IQGAP1: variants seen among roughly 807,000 people sequenced by gnomAD.
IQGAP1 encodes ras GTPase-activating-like protein IQGAP1.
In IQGAP1, 66 loss-of-function variants were observed where a neutral mutation model predicts 215.6. The observed-to-expected ratio is 0.31, with a 90% CI of 0.25 to 0.38. The LOEUF (loss-of-function observed/expected upper bound fraction) is 0.38. IQGAP1 is among the 10% of genes least tolerant of loss of function. The pLI is 1.00. For missense variants in IQGAP1, 1,712 were observed against 1,997.1 expected (o/e 0.86, Z 2.72); for synonymous variants, 772 against 728.7 (o/e 1.06, Z -0.96).
intron 11 of IQGAP1, among the ~76,000 whole-genome samples, chr15:90,452,099 A>T (rs1965611899): frequency 6.6e-6 from 1 of 152,148 alleles, no homozygotes; most frequent in African/African-American, 2.4e-5. Context: ...AAGTGCTGGG[A>T]TTACAAGCGT....
intron 2 of IQGAP1, among the ~76,000 whole-genome samples, chr15:90,392,949 T>G (rs1268222382): frequency 6.6e-6 from 1 of 151,966 alleles, no homozygotes; most frequent in Non-Finnish European, 1.5e-5. Context: ...TTCACCATAA[T>G]GGCCAGGCTG....
At chr15:90,496,413 C>T (rs1966275671) in intron 36 of IQGAP1, among the ~76,000 whole-genome samples, 1 of 149,784 alleles carries the variant, frequency 6.7e-6, no homozygotes, top group Non-Finnish European at 1.5e-5. Flanking sequence ...ACAACCTCTG[C>T]CTCCCGGGTT....
intron 5 of IQGAP1, among the ~76,000 whole-genome samples, chr15:90,437,790 C>T (rs191951567): frequency 9.5e-4 from 144 of 152,322 alleles, no homozygotes; most frequent in African/African-American, 3.4e-3. Flanking sequence ...CCTCCTGCCT[C>T]TCTTTCTCAA....
Position 90,487,901 on chromosome 15 carries a change from A to G in IQGAP1, c.4248+319A>G, listed in dbSNP as rs920423082. 5.9e-5 allele frequency among the ~76,000 whole-genome samples: 9 copies of G among 152,096 alleles called. No homozygotes were observed. The East Asian group carries it at 1.3e-3, about 23-fold the overall frequency. ...CCACCCCCGGCCAATACCAAAATCC[A>G]TAGATGTTGAAGTCCCTTATATAAA... On this transcript the variant is annotated intron_variant, in intron 33 of 37. Coordinates refer to ENST00000268182, the MANE Select transcript of IQGAP1 (RefSeq NM_003870.4).
At position 90,467,611 on chromosome 15, in the gene IQGAP1, C is replaced by T. The variant is rs1370337489; in HGVS notation, c.2178+19C>T. 5 of 1,589,926 alleles carry T rather than the reference C, an allele frequency of 3.1e-6. No homozygotes were observed. The highest frequency in any genetic ancestry group is 1.1e-5 in the South Asian group (1 of 87,404). The stretch of plus-strand genomic sequence containing the variant: ...GATCCAGGTAGGTTACCTTTCTTCA[C>T]GTAAGAAGAAGCTGAGAGAAAGTGT... On this transcript the variant is annotated intron_variant, in intron 18 of 37. Transcript: ENST00000268182.
At chr15:90,434,085 G>C (rs1022628268) in intron 5 of IQGAP1, among the ~76,000 whole-genome samples, 3 of 152,070 alleles carry the variant, frequency 2.0e-5, no homozygotes, top group Non-Finnish European at 4.4e-5. Flanking sequence ...TTGGGGTGCA[G>C]TCTCTTGTTT....
chr15:90,425,846 G>A (rs564770742), intron 2 of IQGAP1, among the ~76,000 whole-genome samples: 15 of 152,302 alleles, frequency 9.8e-5, no homozygotes, highest in African/African-American at 3.6e-4. Context: ...AGGATCTGGG[G>A]AGCCAGCTGG....
At position 90,454,133 on chromosome 15, in the gene IQGAP1, T is replaced by C. The variant is rs528539040; in HGVS notation, c.1488-295T>C. Among the ~76,000 whole-genome samples the C allele has an allele frequency of 5.8e-4, 88 of 152,362 alleles. 1 individual carries two copies. Among genetic ancestry groups the C allele is most frequent in the African/African-American group, 2.0e-3 (83 of 41,596 alleles). On this transcript the variant is annotated intron_variant, in intron 13 of 37. Transcript: ENST00000268182. ...TGAATGATGATTTGTTGCTCTGTCATTCCTCCTGCATTTATTAGCTCATGT... is the reference window on the plus strand; with the variant it reads ...TGAATGATGATTTGTTGCTCTGTCACTCCTCCTGCATTTATTAGCTCATGT...
In IQGAP1 at chr15:90,467,556, G is replaced by A. The variant is rs1212238557; in HGVS notation, c.2142G>A (p.Val714=). The A allele has an allele frequency of 1.2e-6, 2 of 1,611,918 alleles. No homozygotes were observed. Among genetic ancestry groups the A allele is most frequent in the Non-Finnish European group, 1.7e-6 (2 of 1,179,250 alleles). ...GATGGGATGAACCTCCAAATTTTGTGCAAAATTCTATGCAGCTTTCTCGGG... is the reference window on the plus strand; with the variant it reads ...GATGGGATGAACCTCCAAATTTTGTACAAAATTCTATGCAGCTTTCTCGGG... The part of the protein sequence containing the change: ...EGGWDEPPNF[V]QNSMQLSREE... The change falls in exon 18 of 38, where the codon GTG becomes GTA. Residue 714 remains valine, a synonymous_variant. Coordinates refer to ENST00000268182, the MANE Select transcript of IQGAP1 (RefSeq NM_003870.4).
chr15:90,477,359 C>G (rs1965994248), intron 25 of IQGAP1, 129 bp downstream of exon 25: 1 of 806,188 alleles, frequency 1.2e-6, no homozygotes, highest in Non-Finnish European at 1.9e-6. Flanking sequence ...TCTAAAGAAG[C>G]ATCTAATTTT....
At chr15:90,492,748 A>G (rs1284716962) in intron 35 of IQGAP1, 37 bp downstream of exon 35, 6 of 1,558,708 alleles carry the variant, frequency 3.8e-6, no homozygotes, top group Non-Finnish European at 5.2e-6. Flanking sequence ...CAATGTCAGA[A>G]TTAGAGTGAG....
At chr15:90,484,075 A>G (rs1966093536) in intron 29 of IQGAP1, 145 bp from the exon 30 acceptor site, 1 of 710,266 alleles carries the variant, frequency 1.4e-6, no homozygotes. Context: ...GTTGTCAAGC[A>G]CAGCAAACAC....
At position 90,449,594 on chromosome 15, in the gene IQGAP1, G is replaced by A. The variant is rs1014878832; in HGVS notation, c.1113G>A (p.Leu371=). ...CTGACCCCCTGCAGAAGGAGGAGCT[G>A]CAGTCTGGAGTGGATGCTGCAAACA... ...GQTDPLQKEE[L]QSGVDAANSA... The change falls in exon 11 of 38, where the codon CTG becomes CTA. Residue 371 remains leucine (L), a synonymous_variant. Transcript: ENST00000268182. The A allele has an allele frequency of 3.1e-6, 5 of 1,613,058 alleles. No individual in the cohort carries two copies. The highest frequency in any genetic ancestry group is 1.3e-5 in the African/African-American group (1 of 74,914).
chr15:90,434,740 T>C (rs1404808983), intron 5 of IQGAP1, among the ~76,000 whole-genome samples: 1 of 152,228 alleles, frequency 6.6e-6, no homozygotes, highest in African/African-American at 2.4e-5. Flanking sequence ...CAGTTGAGCA[T>C]GCCAAATCTG....
At chr15:90,479,551 A>G (rs1469126279) in intron 26 of IQGAP1, among the ~76,000 whole-genome samples, 1 of 149,474 alleles carries the variant, frequency 6.7e-6, no homozygotes, top group Non-Finnish European at 1.5e-5. Context: ...CAGCCTGGGT[A>G]ACATAGGGAT....
chr15:90,478,323 C>G (rs1454016154), intron 26 of IQGAP1, among the ~76,000 whole-genome samples: 1 of 152,152 alleles, frequency 6.6e-6, no homozygotes, highest in Non-Finnish European at 1.5e-5. Flanking sequence ...ACTGTGCTTT[C>G]TAAGTTGTTG....
chr15:90,486,558 TG>T, intron 31 of IQGAP1: 1 of 166,532 alleles, frequency 6.0e-6, no homozygotes, highest in Non-Finnish European at 1.1e-5. Context: ...CCTCCTGAGT[TG>T]TTTTTTTTTT....
intron 29 of IQGAP1, 60 bp downstream of exon 29, chr15:90,483,653 G>A: frequency 4.1e-6 from 5 of 1,233,194 alleles, no homozygotes; most frequent in South Asian, 1.2e-5. Flanking sequence ...TTGTTGAGGG[G>A]AAAAATAAGA....
intron 24 of IQGAP1, 119 bp downstream of exon 24, chr15:90,476,937 G>A (rs1596286491): frequency 2.3e-6 from 3 of 1,309,158 alleles, no homozygotes; most frequent in South Asian, 1.3e-5. Flanking sequence ...TGAGTGAGGG[G>A]CACTGTAACA....
Sources: allele counts gnomAD v4.1 joint callset (sites outside exome capture counted in the v4.1 genomes callset), GRCh38; gene constraint gnomAD v4.1.1; transcripts MANE v1.5; gene names NCBI Gene and HGNC (gene_info 2026-07-23, HGNC 2026-07-21).